ERCC1: variants seen among roughly 807,000 people sequenced by gnomAD.
ERCC1 encodes ERCC excision repair 1, endonuclease non-catalytic subunit, also known as DNA excision repair protein ERCC-1.
ERCC1 carries 36 observed loss-of-function variants against 37.6 expected under a neutral mutation model. The observed-to-expected ratio is 0.96, with a 90% CI of 0.73 to 1.26. The LOEUF is 1.26. Among genes scored for constraint, ERCC1 ranks in the 50% most tolerant of loss-of-function variants. The probability of loss-of-function intolerance (pLI) is 0.00; values close to 1 mark genes in which losing one functional copy is unlikely to be tolerated. For synonymous variants in ERCC1, 156 were observed against 162.1 expected, an observed-to-expected ratio of 0.96 and a Z score of 0.28; for missense variants, 349 against 376.5, an observed-to-expected ratio of 0.93 and a Z score of 0.60.
intron 1 of ERCC1, among the ~76,000 whole-genome samples, chr19:45,439,857 C>A (rs2123599770): frequency 6.6e-6 from 1 of 152,188 alleles, no homozygotes. Context: ...CCGGGGCCCT[C>A]AGTGGTCGCG....
At chr19:45,415,866 T>A (rs1568580632) in intron 6 of ERCC1, 2 of 446,686 alleles carry the variant, frequency 4.5e-6, no homozygotes, top group Non-Finnish European at 9.1e-6. Flanking sequence ...TCAGGCATAG[T>A]GGCTCATGCT....
rs1171325400 is a variant in ERCC1, at chr19:45,411,774, A to G, written c.843+1903T>C. 2.0e-5 allele frequency among the ~76,000 whole-genome samples: 3 copies of G among 151,994 alleles called. 1 individual carries two copies. The South Asian group carries it at 6.3e-4, about 32-fold the overall frequency. ...ATGCCATTGCACTCCAGCCTGGGCA[A>G]CAGAGTGAGACTCCATCTCAAAAAA... On this transcript the variant is annotated intron_variant, in intron 9 of 9. Transcript: ENST00000300853.
chr19:45,415,840 C>T (rs1261511823), intron 6 of ERCC1: 1 of 454,906 alleles, frequency 2.2e-6, no homozygotes, highest in African/African-American at 2.0e-5. Context: ...TGTTTCCTCA[C>T]TGTAAAGTGG....
chr19:45,420,143 G>T lies in ERCC1; in HGVS notation c.425+181C>A, dbSNP rs943077962. ...CCCAGGAGTTCGGGCTCCAGCTCTT[G>T]TTGCACTGGGCACCTCCAGGCCAAG... On this transcript the variant is annotated intron_variant, in intron 4 of 9. Coordinates refer to ENST00000300853, the MANE Select transcript of ERCC1 (RefSeq NM_001983.4). The surrounding 1 kb of genome is among the most constrained non-coding windows in gnomAD (Gnocchi z 4.8). Among the ~76,000 whole-genome samples the T allele has an allele frequency of 6.6e-6, 1 of 151,548 alleles. No individual in the cohort carries two copies. Among genetic ancestry groups the T allele is most frequent in the African/African-American group, 2.4e-5 (1 of 40,944 alleles).
chr19:45,423,647 C>G, intron 1 of ERCC1, 134 bp downstream of exon 1: 1 of 1,304,582 alleles, frequency 7.7e-7, no homozygotes. Flanking sequence ...CACCATCCCC[C>G]GCCTTCCGTT....
intron 1 of ERCC1, among the ~76,000 whole-genome samples, chr19:45,439,884 C>T (rs1014786442): frequency 7.2e-5 from 11 of 152,008 alleles, no homozygotes; most frequent in Non-Finnish European, 1.2e-4. Flanking sequence ...CGCGCACGGC[C>T]TCGGGAACCC....
chr19:45,439,668 C>G (rs1321054249), intron 1 of ERCC1, among the ~76,000 whole-genome samples: 1 of 152,006 alleles, frequency 6.6e-6, no homozygotes, highest in African/African-American at 2.4e-5. Flanking sequence ...GCCGTCGGCT[C>G]TGAACCCCGG....
intron 1 of ERCC1, among the ~76,000 whole-genome samples, chr19:45,438,552 C>T (rs1975040897): frequency 6.6e-6 from 1 of 152,190 alleles, no homozygotes; most frequent in Admixed American, 6.5e-5. Flanking sequence ...CCTTTGCCTC[C>T]CATGCTCCTG....
intron 1 of ERCC1, among the ~76,000 whole-genome samples, chr19:45,444,396 G>T (rs1295849601): frequency 1.4e-5 from 2 of 146,154 alleles, no homozygotes; most frequent in Non-Finnish European, 3.0e-5. Context: ...GCCCCCCCGC[G>T]GTGGCCCAGA....
intron 1 of ERCC1, 82 bp downstream of exon 1, chr19:45,423,699 C>A (rs1568590354): frequency 3.2e-6 from 4 of 1,232,460 alleles, no homozygotes; most frequent in Non-Finnish European, 4.1e-6. Context: ...CCTCCCCACG[C>A]CTGGCCTTGT....
chr19:45,423,799 G>T lies in ERCC1; in HGVS notation c.-26C>A. The T allele has an allele frequency of 8.9e-7, 1 of 1,122,112 alleles. No homozygotes were observed. The highest frequency in any genetic ancestry group is 1.1e-6 in the Non-Finnish European group (1 of 910,746). The allele number at this position is 1,122,112 out of a possible 1,614,324, so 69.5% of individuals were successfully genotyped here. On this transcript the variant is annotated 5_prime_UTR_variant, in exon 1 of 10. Coordinates refer to ENST00000300853, the MANE Select transcript of ERCC1 (RefSeq NM_001983.4). ...CCCGCACCTGTGGTCCGGGCCTCAC[G>T]GTTTCAGCGCCGCGAGGCCTCACCT...
intron 1 of ERCC1, among the ~76,000 whole-genome samples, chr19:45,447,604 GTTTTC>G (rs761287736): frequency 7.2e-5 from 11 of 151,958 alleles, no homozygotes; most frequent in Non-Finnish European, 1.3e-4. Context: ...GTATCTCTCT[GTTTTC>G]TTTTCTTGTC....
rs373645122 is a variant in ERCC1, at chr19:45,408,071, AT to A, written c.*1603del. On this transcript the variant is annotated 3_prime_UTR_variant, in exon 10 of 10. Transcript: ENST00000300853. ...TCTCTCAAAAAAAAACAAAAAAAAA[AT>A]CAAAAAACCTTCCCTCTCCTGTTCC... The A allele has an allele frequency of 2.4e-4, 357 of 1,486,358 alleles. 1 individual carries two copies. The highest frequency in any genetic ancestry group is 9.9e-4 in the South Asian group (71 of 71,522). 92.1% of individuals were successfully genotyped at this position (1,486,358 alleles called of 1,614,324 possible).
chr19:45,413,572 G>C lies in ERCC1; in HGVS notation c.843+105C>G, dbSNP rs749775040. ...ATTACAGGCGGAAGCCACTGTGTCT[G>C]GTCTTTGGTTCTTTTTTCACCTTAA... On this transcript the variant is annotated intron_variant, in intron 9 of 9. Coordinates refer to ENST00000300853, the MANE Select transcript of ERCC1 (RefSeq NM_001983.4). The C allele has an allele frequency of 6.1e-5, 99 of 1,613,788 alleles. No individual in the cohort carries two copies. The highest frequency in any genetic ancestry group is 8.0e-5 in the Non-Finnish European group (94 of 1,179,794).
upstream of ERCC1, chr19:45,424,116 G>A (rs1212794688): frequency 1.1e-5 from 11 of 1,001,034 alleles, no homozygotes; most frequent in Middle Eastern, 4.6e-4. Flanking sequence ...GCTCAGTGGA[G>A]AACAGATCGC....
chr19:45,426,240 G>A (rs1204648060), upstream of ERCC1, among the ~76,000 whole-genome samples: 7 of 151,878 alleles, frequency 4.6e-5, no homozygotes, highest in African/African-American at 1.2e-4. Context: ...TTAGTTGGGC[G>A]TGGTAGCGCA....
At chr19:45,418,830 A>G (rs993785655) in intron 5 of ERCC1, among the ~76,000 whole-genome samples, 3 of 152,176 alleles carry the variant, frequency 2.0e-5, no homozygotes, top group African/African-American at 7.2e-5. Context: ...TCTCAAACAA[A>G]CAAACAAACA....
intron 1 of ERCC1, among the ~76,000 whole-genome samples, chr19:45,449,493 TA>T (rs1967047630): frequency 6.6e-6 from 1 of 150,530 alleles, no homozygotes; most frequent in Non-Finnish European, 1.5e-5. Context: ...CCCCCGTCTC[TA>T]AAAACAAAAA....
At position 45,408,052 on chromosome 19, in the gene ERCC1, AAAAAAAAAC is replaced by A. The variant is rs1361970356; in HGVS notation, c.*1614_*1622del. ...CTAGGCAACAGAGCAAGACTCTCTC[AAAAAAAAAC>A]AAAAAAAAAATCAAAAAACCTTCCC... is the stretch of plus-strand genomic sequence containing the variant. On this transcript the variant is annotated 3_prime_UTR_variant, in exon 10 of 10. Coordinates refer to ENST00000300853, the MANE Select transcript of ERCC1 (RefSeq NM_001983.4). 4 of 1,365,432 alleles carry A rather than the reference AAAAAAAAAC, an allele frequency of 2.9e-6. No homozygotes were observed. The highest frequency in any genetic ancestry group is 2.7e-5 in the African/African-American group (1 of 36,844). The allele number at this position is 1,365,432 out of a possible 1,614,324, so 84.6% of individuals were successfully genotyped here.
Sources: gnomAD v4.1 joint callset for allele counts (sites outside exome capture counted in the v4.1 genomes callset) on GRCh38, gnomAD v4.1.1 for gene constraint, Gnocchi (gnomAD v3.1) non-coding constraint, MANE v1.5 for transcripts, NCBI Gene and HGNC (gene_info 2026-07-23, HGNC 2026-07-21) for gene names.